Variants in CD44 observed in about 807,000 individuals in gnomAD.
CD44 encodes CD44 antigen.
In CD44, 49 loss-of-function variants were observed where a neutral mutation model predicts 88.8. That is an observed-to-expected ratio of 0.55 (90% CI 0.44 to 0.70). The LOEUF is 0.70. Among genes scored for constraint, CD44 ranks in the 30% least tolerant of loss-of-function variants. The pLI is 0.00. For missense variants in CD44, 883 were observed against 913.8 expected, an observed-to-expected ratio of 0.97 and a Z score of 0.43; for synonymous variants, 325 against 312.3, an observed-to-expected ratio of 1.04 and a Z score of -0.43.
At position 35,208,358 on chromosome 11, in the gene CD44, T is replaced by C. The variant is rs538036495; in HGVS notation, c.1516+152T>C. The C allele has an allele frequency of 5.7e-4, 356 of 621,902 alleles. 1 individual carries two copies. The highest frequency in any genetic ancestry group is 9.2e-4 in the Non-Finnish European group (313 of 339,146). The allele number at this position is 621,902 out of a possible 1,614,324, so 38.5% of individuals were successfully genotyped here. ...TGAAACTGTCTTCATTGTCTGTATT[T>C]CTTGTGGAGGTCTCTCAACCTGATT... On this transcript the variant is annotated intron_variant, in intron 12 of 17. Transcript: ENST00000428726.
chr11:35,179,740 A>C (rs1434171526), intron 2 of CD44, among the ~76,000 whole-genome samples: 1 of 152,172 alleles, frequency 6.6e-6, no homozygotes, highest in Non-Finnish European at 1.5e-5. Flanking sequence ...AGGGCAATGG[A>C]GTATGGAGTA....
intron 1 of CD44, among the ~76,000 whole-genome samples, chr11:35,160,606 T>C (rs1942476338): frequency 6.6e-6 from 1 of 152,190 alleles, no homozygotes; most frequent in African/African-American, 2.4e-5. Context: ...GACTTAGAGA[T>C]ATTCAAATCC....
chr11:35,155,804 T>C (rs977956367), intron 1 of CD44, among the ~76,000 whole-genome samples: 3 of 152,234 alleles, frequency 2.0e-5, no homozygotes, highest in Non-Finnish European at 4.4e-5. Flanking sequence ...AATTATGAGA[T>C]GATGACCCTC....
intron 12 of CD44, among the ~76,000 whole-genome samples, chr11:35,208,615 A>AT (rs1168342343): frequency 3.3e-5 from 5 of 152,116 alleles, no homozygotes; most frequent in Non-Finnish European, 1.5e-5. Flanking sequence ...GTAAAAAGAC[A>AT]TTTTTGGGGC....
At chr11:35,166,862 C>T (rs1167713948) in intron 1 of CD44, among the ~76,000 whole-genome samples, 5 of 152,254 alleles carry the variant, frequency 3.3e-5, no homozygotes, top group African/African-American at 9.6e-5. Flanking sequence ...TCACTCAAGA[C>T]TCATGGTCTG....
rs185108570 is a variant in CD44, at chr11:35,206,250, G to T, written c.1414+7G>T. The stretch of plus-strand genomic sequence containing the variant: ...CAAGCAGGAAGAAGGATGGGTAATA[G>T]CCTCTGAGATTTTTATATATTATGT... On this transcript the variant is annotated splice_region_variant and intron_variant, in intron 11 of 17. Transcript: ENST00000428726. 3.9e-5 allele frequency: 62 copies of T among 1,587,992 alleles called. No homozygotes were observed. In the Admixed American group the frequency reaches 9.8e-4, roughly 25 times the overall value.
chr11:35,223,458 A>T (rs1157303842), intron 17 of CD44: 2 of 191,790 alleles, frequency 1.0e-5, no homozygotes, highest in Non-Finnish European at 1.9e-5. Flanking sequence ...ACCTCGGAGA[A>T]GCATCTCAGC....
intron 15 of CD44, among the ~76,000 whole-genome samples, chr11:35,218,406 G>A (rs1210416971): frequency 6.6e-6 from 1 of 152,152 alleles, no homozygotes; most frequent in Non-Finnish European, 1.5e-5. Context: ...TCAGCTCACT[G>A]CAACCTCTGC....
chr11:35,222,846 C>T (rs1385982786), intron 17 of CD44: 1 of 984,952 alleles, frequency 1.0e-6, no homozygotes, highest in African/African-American at 1.7e-5. Context: ...CAAGCAGGAC[C>T]ACCTTTATTG....
At chr11:35,170,442 G>A (rs1227461204) in intron 1 of CD44, among the ~76,000 whole-genome samples, 1 of 152,178 alleles carries the variant, frequency 6.6e-6, no homozygotes, top group Non-Finnish European at 1.5e-5. Flanking sequence ...TGGTCTCCAT[G>A]ACCCCTCTGT....
chr11:35,167,974 G>A (rs551573022), intron 1 of CD44, among the ~76,000 whole-genome samples: 26 of 152,326 alleles, frequency 1.7e-4, no homozygotes, highest in African/African-American at 6.3e-4. Flanking sequence ...GAATCAGAGA[G>A]AAGCAGTCAG....
In CD44 at chr11:35,201,180, A is replaced by G. The variant is rs777212802; in HGVS notation, c.1021A>G (p.Thr341Ala). The G allele has an allele frequency of 2.5e-6, 4 of 1,609,726 alleles. No homozygotes were observed. Among genetic ancestry groups the G allele is most frequent in the East Asian group, 4.5e-5 (2 of 44,870 alleles). ...AAATCCGGAAGTGCTACTTCAGACAACCACAAGGATGACTGGTAATGGGTT... is the reference window on the plus strand; with the variant it reads ...AAATCCGGAAGTGCTACTTCAGACAGCCACAAGGATGACTGGTAATGGGTT... ...HSNPEVLLQT[T>A]TRMTDVDRNG... Residue 341 changes from threonine (T) to alanine (A), a missense_variant, in exon 8 of 18, where the codon ACC (threonine) becomes GCC (alanine). This residue lies in a region of CD44 where 631 missense variants were observed against 590.9 expected (regional missense o/e 1.07). Coordinates refer to ENST00000428726, the MANE Select transcript of CD44 (RefSeq NM_000610.4).
intron 4 of CD44, among the ~76,000 whole-genome samples, chr11:35,187,469 G>C (rs1019235123): frequency 2.6e-5 from 4 of 151,932 alleles, no homozygotes; most frequent in African/African-American, 9.7e-5. Context: ...TATGTACAAT[G>C]CTCTCATTTA....
At chr11:35,157,705 A>T (rs1209849518) in intron 1 of CD44, among the ~76,000 whole-genome samples, 2 of 152,198 alleles carry the variant, frequency 1.3e-5, no homozygotes, top group African/African-American at 4.8e-5. Context: ...ATCATCTAAG[A>T]AATCATCTCT....
At chr11:35,171,081 ACAAT>A (rs1232729244) in intron 1 of CD44, among the ~76,000 whole-genome samples, 4 of 152,220 alleles carry the variant, frequency 2.6e-5, no homozygotes, top group Non-Finnish European at 5.9e-5. Context: ...TGGCATATAC[ACAAT>A]GAATGCACAA....
intron 1 of CD44, among the ~76,000 whole-genome samples, chr11:35,147,784 G>A (rs1859466974): frequency 6.6e-6 from 1 of 152,130 alleles, no homozygotes; most frequent in South Asian, 2.1e-4. Flanking sequence ...TCACTATTAT[G>A]CACATTAAGA....
chr11:35,204,457 G>A, intron 9 of CD44, 55 bp from the exon 10 acceptor site: 1 of 1,578,040 alleles, frequency 6.3e-7, no homozygotes, highest in Non-Finnish European at 8.7e-7. Context: ...TATGTTGACA[G>A]CTATTGGTGA....
At chr11:35,216,675 A>G (rs1948854254) in intron 15 of CD44, among the ~76,000 whole-genome samples, 1 of 152,198 alleles carries the variant, frequency 6.6e-6, no homozygotes, top group Non-Finnish European at 1.5e-5. Flanking sequence ...TGTGAGGAAG[A>G]CAGGGTACCA....
intron 11 of CD44, among the ~76,000 whole-genome samples, chr11:35,206,769 C>T (rs919633199): frequency 6.6e-6 from 1 of 151,568 alleles, no homozygotes; most frequent in Admixed American, 6.6e-5. Flanking sequence ...CCATTTTTCA[C>T]AAGGGAAGAT....
Sources: gnomAD v4.1 joint callset for allele counts (sites outside exome capture counted in the v4.1 genomes callset) on GRCh38, gnomAD v4.1.1 for gene constraint, gnomAD v4.1.1 regional missense constraint, MANE v1.5 for transcripts, NCBI Gene and HGNC (gene_info 2026-07-23, HGNC 2026-07-21) for gene names.